AKT3: variants seen among roughly 807,000 people sequenced by gnomAD.
AKT3 encodes the protein RAC-gamma serine/threonine-protein kinase.
In AKT3, 15 loss-of-function variants were observed where a neutral mutation model predicts 65.3. The observed-to-expected ratio is 0.23, with a 90% CI of 0.15 to 0.35. The LOEUF (loss-of-function observed/expected upper bound fraction) is 0.35. AKT3 is among the 10% of genes least tolerant of loss of function. AKT3 has a pLI of 1.00. For missense variants in AKT3, 243 were observed against 576.5 expected (o/e 0.42, Z 5.92); for synonymous variants, 206 against 183.8 (o/e 1.12, Z -0.98).
intron 6 of AKT3, chr1:243,624,862 T>C (rs1043803446): frequency 5.8e-5 from 12 of 208,692 alleles, no homozygotes; most frequent in Admixed American, 4.5e-4. Context: ...TTCTCCCAGA[T>C]GGAAACTAAC....
intron 9 of AKT3, among the ~76,000 whole-genome samples, chr1:243,570,346 A>C (rs1674471037): frequency 6.6e-6 from 1 of 152,228 alleles, no homozygotes; most frequent in South Asian, 2.1e-4. Flanking sequence ...GTTCATGATA[A>C]TGTTCTTTAA....
chr1:243,687,194 G>A (rs1684384379), intron 3 of AKT3, among the ~76,000 whole-genome samples: 1 of 152,108 alleles, frequency 6.6e-6, no homozygotes, highest in Admixed American at 6.6e-5. Context: ...TTTAAAATGA[G>A]TATGCATGGT....
intron 8 of AKT3, among the ~76,000 whole-genome samples, chr1:243,579,561 G>A (rs915948181): frequency 2.0e-5 from 3 of 152,154 alleles, no homozygotes; most frequent in African/African-American, 7.2e-5. Context: ...TAGGTGGGCT[G>A]AAAAGAGAAT....
At chr1:243,762,968 T>C (rs1358054150) in intron 2 of AKT3, among the ~76,000 whole-genome samples, 1 of 152,034 alleles carries the variant, frequency 6.6e-6, no homozygotes, top group Non-Finnish European at 1.5e-5. Context: ...AAATCAAATA[T>C]CAAATTTTTC....
At position 243,684,748 on chromosome 1, in the gene AKT3, G is replaced by A. The variant is rs946338801; in HGVS notation, c.172+10843C>T. On this transcript the variant is annotated intron_variant, in intron 3 of 13. Transcript: ENST00000673466. ...GAATCGCCACACTGTCTTCCACAAC[G>A]GTTGAACTAATTTACACTCCCACCA... Among the ~76,000 whole-genome samples, 3 of 152,078 alleles carry A rather than the reference G, an allele frequency of 2.0e-5. No homozygotes were observed. The South Asian group carries it at 6.2e-4, about 32-fold the overall frequency.
intron 6 of AKT3, among the ~76,000 whole-genome samples, chr1:243,632,351 T>C (rs985791999): frequency 2.6e-5 from 4 of 152,218 alleles, no homozygotes; most frequent in African/African-American, 9.6e-5. Flanking sequence ...AGCTTTTGTA[T>C]ATCTGGTGCA....
chr1:243,600,962 G>A (rs1249352686), intron 8 of AKT3, among the ~76,000 whole-genome samples: 2 of 152,080 alleles, frequency 1.3e-5, no homozygotes, highest in Non-Finnish European at 2.9e-5. Context: ...AAAGAGACAT[G>A]CGAGGCTCTG....
chr1:243,712,243 G>A (rs1686209224), intron 2 of AKT3, among the ~76,000 whole-genome samples: 1 of 152,304 alleles, frequency 6.6e-6, no homozygotes, highest in South Asian at 2.1e-4. Context: ...GGTGGCTGAT[G>A]ATTTTCTATG....
chr1:243,624,596 G>A (rs1307030009), intron 6 of AKT3: 1 of 157,544 alleles, frequency 6.3e-6, no homozygotes, highest in East Asian at 1.9e-4. Context: ...CAGCAGGATA[G>A]CACTGAGACT....
chr1:243,667,996 G>A (rs1682916334), intron 3 of AKT3, among the ~76,000 whole-genome samples: 1 of 151,864 alleles, frequency 6.6e-6, no homozygotes, highest in South Asian at 2.1e-4. Context: ...CCCTTACCTA[G>A]GACTCTCCCT....
intron 2 of AKT3, 147 bp from the exon 3 acceptor site, chr1:243,695,863 G>T: frequency 1.9e-6 from 1 of 540,496 alleles, no homozygotes; most frequent in Non-Finnish European, 2.8e-6. Flanking sequence ...GCTTACAAAA[G>T]AAAATACATA....
chr1:243,514,568 T>C (rs1001297216), intron 12 of AKT3, among the ~76,000 whole-genome samples: 5 of 152,240 alleles, frequency 3.3e-5, no homozygotes, highest in Non-Finnish European at 7.3e-5. Context: ...TTACTGTCAA[T>C]GTTCATCACC....
chr1:243,764,936 C>G (rs1167703048), intron 2 of AKT3, among the ~76,000 whole-genome samples: 1 of 152,010 alleles, frequency 6.6e-6, no homozygotes, highest in Non-Finnish European at 1.5e-5. Flanking sequence ...AATCATTTAG[C>G]AACATTTAGA....
intron 2 of AKT3, among the ~76,000 whole-genome samples, chr1:243,704,607 G>A (rs1320942793): frequency 6.6e-6 from 1 of 152,140 alleles, no homozygotes; most frequent in South Asian, 2.1e-4. Flanking sequence ...ACGTCTAACT[G>A]TGGGGAAGGG....
intron 2 of AKT3, among the ~76,000 whole-genome samples, chr1:243,835,048 T>C (rs1184696974): frequency 1.3e-5 from 2 of 152,238 alleles, no homozygotes; most frequent in East Asian, 1.9e-4. Context: ...TAACCCTACA[T>C]AGACTGTAAT....
intron 12 of AKT3, among the ~76,000 whole-genome samples, chr1:243,536,010 T>C (rs1284537999): frequency 6.6e-6 from 1 of 152,206 alleles, no homozygotes; most frequent in Non-Finnish European, 1.5e-5. Flanking sequence ...TTGTTGGCCA[T>C]TTGCACATAT....
intron 10 of AKT3, among the ~76,000 whole-genome samples, chr1:243,558,760 C>T (rs565905983): frequency 4.6e-5 from 7 of 152,122 alleles, no homozygotes; most frequent in Admixed American, 2.0e-4. Flanking sequence ...CACCATCTGC[C>T]TCTTTTTAGC....
intron 6 of AKT3, among the ~76,000 whole-genome samples, chr1:243,627,639 C>A (rs1241764680): frequency 6.6e-6 from 1 of 152,172 alleles, no homozygotes; most frequent in African/African-American, 2.4e-5. Flanking sequence ...AGGAATACCA[C>A]AGGCTGGAGG....
chr1:243,722,321 A>G (rs1686960886), intron 2 of AKT3, among the ~76,000 whole-genome samples: 1 of 152,226 alleles, frequency 6.6e-6, no homozygotes, highest in African/African-American at 2.4e-5. Flanking sequence ...ATACATTAAA[A>G]TAGCAACAAC....
Sources: gnomAD v4.1 joint callset for allele counts (sites outside exome capture counted in the v4.1 genomes callset) on GRCh38, gnomAD v4.1.1 for gene constraint, MANE v1.5 for transcripts, NCBI Gene and HGNC (gene_info 2026-07-23, HGNC 2026-07-21) for gene names.